The following FNDC1 variants were observed in gnomAD, a reference collection of about 807,000 sequenced individuals.
FNDC1 encodes the protein fibronectin type III domain containing 1, also known as fibronectin type III domain-containing protein 1.
Under a neutral mutation model 168.0 loss-of-function variants are expected in FNDC1, and 96 were observed. The observed-to-expected ratio is 0.57, with a 90% confidence interval of 0.48 to 0.68. FNDC1 has a LOEUF of 0.68. Ranked by LOEUF, FNDC1 falls within the 30% of genes least tolerant of loss-of-function variation. The pLI is 0.00. For missense variants in FNDC1, 2,587 were observed against 2,482.1 expected, an observed-to-expected ratio of 1.04 and a Z score of -0.90; for synonymous variants, 1,099 against 1,025.9, an observed-to-expected ratio of 1.07 and a Z score of -1.36.
At chr6:159,214,514 T>C (rs1782670424) in intron 4 of FNDC1, among the ~76,000 whole-genome samples, 1 of 152,224 alleles carries the variant, frequency 6.6e-6, no homozygotes, top group South Asian at 2.1e-4. Flanking sequence ...AGCCCGTCTT[T>C]TCAACATTAC....
intron 20 of FNDC1, among the ~76,000 whole-genome samples, chr6:159,265,881 T>C (rs1454271889): frequency 2.0e-5 from 3 of 152,056 alleles, no homozygotes; most frequent in Non-Finnish European, 2.9e-5. Context: ...TGAGCCGAGA[T>C]CGTGCCACTG....
chr6:159,252,021 T>C (rs1282124394), intron 17 of FNDC1, among the ~76,000 whole-genome samples: 1 of 152,144 alleles, frequency 6.6e-6, no homozygotes, highest in Non-Finnish European at 1.5e-5. Context: ...TTCACGTCTG[T>C]TGGGTGCTTC....
chr6:159,188,682 C>G (rs546334524), intron 1 of FNDC1, among the ~76,000 whole-genome samples: 122 of 151,684 alleles, frequency 8.0e-4, no homozygotes, highest in African/African-American at 2.8e-3. Flanking sequence ...CCGGCCGCCT[C>G]AATTTCTTTG....
intron 11 of FNDC1, among the ~76,000 whole-genome samples, chr6:159,235,717 C>G (rs1177708217): frequency 6.6e-6 from 1 of 152,214 alleles, no homozygotes; most frequent in Non-Finnish European, 1.5e-5. Flanking sequence ...AGCAGCCCCA[C>G]AGCGTTCAGC....
Position 159,249,165 on chromosome 6 carries a change from G to C in FNDC1, c.4817G>C (p.Gly1606Ala). ...CCTGAAGAAGAATTTGATCTGGCTG[G>C]AAGGAAACGATTTGTTGGTAAATAT... is the stretch of plus-strand genomic sequence containing the variant. ...SFPEEEFDLA[G>A]RKRFVAPYVT... Residue 1606 changes from glycine (G) to alanine (A), a missense_variant, in exon 16 of 23, where the codon GGA becomes GCA. Transcript: ENST00000297267. 4 of 1,610,526 alleles carry C rather than the reference G, an allele frequency of 2.5e-6. No homozygotes were observed. The highest frequency in any genetic ancestry group is 3.4e-6 in the Non-Finnish European group (4 of 1,178,684).
intron 4 of FNDC1, among the ~76,000 whole-genome samples, chr6:159,208,654 T>A (rs1207950850): frequency 6.6e-6 from 1 of 152,136 alleles, no homozygotes; most frequent in East Asian, 1.9e-4. Context: ...CAAAGTCAGC[T>A]ACTGACTGAC....
chr6:159,207,228 C>T (rs1026676274), intron 4 of FNDC1, among the ~76,000 whole-genome samples: 111 of 152,248 alleles, frequency 7.3e-4, no homozygotes, highest in African/African-American at 2.6e-3. Context: ...CACGTGAAGA[C>T]ACAAGCAGTG....
chr6:159,215,587 G>A (rs1403115149), intron 5 of FNDC1, among the ~76,000 whole-genome samples: 1 of 152,200 alleles, frequency 6.6e-6, no homozygotes, highest in Non-Finnish European at 1.5e-5. Flanking sequence ...GTTCTCTAGA[G>A]GGACAGAACT....
intron 1 of FNDC1, among the ~76,000 whole-genome samples, chr6:159,189,522 C>T (rs1403548860): frequency 6.6e-6 from 1 of 152,160 alleles, no homozygotes; most frequent in African/African-American, 2.4e-5. Context: ...GTGTGGAGGA[C>T]TCTAAGAATT....
chr6:159,264,420 C>A (rs933887240), intron 19 of FNDC1, among the ~76,000 whole-genome samples: 3 of 152,214 alleles, frequency 2.0e-5, no homozygotes, highest in Non-Finnish European at 4.4e-5. Context: ...CAGTAGTTCA[C>A]TCTGTTTTAC....
chr6:159,216,917 C>CCTGGAGGGGCCTCTTCCCTTAT (rs1477369315), intron 5 of FNDC1, among the ~76,000 whole-genome samples: 2 of 152,162 alleles, frequency 1.3e-5, no homozygotes, highest in African/African-American at 4.8e-5. Context: ...TCTTCCCTTA[C>CCTGGAGGGGCCTCTTCCCTTAT]CTGGAGGGGC....
At chr6:159,206,410 A>G (rs571346257) in intron 4 of FNDC1, among the ~76,000 whole-genome samples, 32 of 152,344 alleles carry the variant, frequency 2.1e-4, no homozygotes, top group Admixed American at 1.8e-3. Flanking sequence ...TGAGCTCCTT[A>G]AGGGCAGGGT....
At chr6:159,183,719 C>T (rs917627281) in intron 1 of FNDC1, among the ~76,000 whole-genome samples, 15 of 152,200 alleles carry the variant, frequency 9.9e-5, no homozygotes, top group African/African-American at 2.4e-4. Flanking sequence ...GGGAGTGTGG[C>T]ATCCCAGAAG....
intron 2 of FNDC1, among the ~76,000 whole-genome samples, chr6:159,199,091 A>T (rs1312725544): frequency 6.6e-6 from 1 of 152,232 alleles, no homozygotes; most frequent in Non-Finnish European, 1.5e-5. Flanking sequence ...TGACAGAACT[A>T]ACCCTCACCT....
rs1283035050 is a variant in FNDC1 at position 159,238,594 on chromosome 6, G to A, written c.4109G>A (p.Gly1370Glu). Residue 1370 changes from glycine to glutamate, a missense_variant, in exon 13 of 23, where the codon GGA becomes GAA. Physicochemically the swap from Gly to Glu is moderately conservative, Grantham distance 98. Coordinates refer to ENST00000297267, the MANE Select transcript of FNDC1 (RefSeq NM_032532.3). The part of the protein sequence containing the change: ...LDRGLVLNAE[G>E]RYLQDSHGNP... ...CGTGGGTTAGTATTGAATGCAGAAG[G>A]AAGGTACCTCCAAGATTCACATGGA... The A allele has an allele frequency of 6.2e-7, 1 of 1,612,072 alleles. No homozygotes were observed. The highest frequency in any genetic ancestry group is 1.1e-5 in the South Asian group (1 of 90,198).
intron 4 of FNDC1, among the ~76,000 whole-genome samples, chr6:159,212,864 G>A (rs991676598): frequency 1.3e-5 from 2 of 152,198 alleles, no homozygotes; most frequent in African/African-American, 4.8e-5. Context: ...GTAAGGAGGA[G>A]CTTAAATGAA....
chr6:159,234,243 TC>T lies in FNDC1; in HGVS notation c.3737del (p.Pro1246HisfsTer24). ...AGCCTGGCTCCTGTGAAGCGACCTCTCCCCCCACCTCCAGGCAGCTCCCCCA... is the reference window on the plus strand; with the variant it reads ...AGCCTGGCTCCTGTGAAGCGACCTCTCCCCCACCTCCAGGCAGCTCCCCCA... ...GGSLAPVKRPLPPPPGSSPRA... is the reference protein window; with the variant it reads ...GGSLAPVKRPXPPPPGSSPRA... On this transcript the variant is annotated frameshift_variant, in exon 11 of 23. Transcript: ENST00000297267. LOFTEE classifies it high-confidence loss of function. 6.3e-7 allele frequency: 1 copy of T among 1,590,124 alleles called. No homozygotes were observed. Among genetic ancestry groups the T allele is most frequent in the Non-Finnish European group, 8.6e-7 (1 of 1,168,408 alleles).
chr6:159,255,870 G>A (rs963402978), intron 17 of FNDC1, among the ~76,000 whole-genome samples: 2 of 152,238 alleles, frequency 1.3e-5, no homozygotes, highest in African/African-American at 4.8e-5. Flanking sequence ...TGGGACAGTT[G>A]TAAAGGCTGG....
rs1167424423 is a variant in FNDC1 at position 159,233,836 on chromosome 6, C to T, written c.3324C>T (p.Pro1108=). ...CCAAGGAGGCAGCTGCGTCCCTTCC[C>T]AAGCACCAGCAGGTGGAGTCTCCCA... ...ARAKEAAASL[P]KHQQVESPTG... The change falls in exon 11 of 23, where the codon CCC becomes CCT. Residue 1108 remains proline (P), a synonymous_variant. Transcript: ENST00000297267. The surrounding 1 kb of genome is among the most constrained non-coding windows in gnomAD (Gnocchi z 4.6). 1 of 1,543,506 alleles carries T rather than the reference C, an allele frequency of 6.5e-7. No individual in the cohort carries two copies. The highest frequency in any genetic ancestry group is 1.4e-5 in the African/African-American group (1 of 72,960).
Sources: allele counts gnomAD v4.1 joint callset (sites outside exome capture counted in the v4.1 genomes callset), GRCh38; gene constraint gnomAD v4.1.1; non-coding constraint Gnocchi (gnomAD v3.1); transcripts MANE v1.5; gene names NCBI Gene and HGNC (gene_info 2026-07-23, HGNC 2026-07-21).